The following KLC1 variants were observed in gnomAD, a reference collection of about 807,000 sequenced individuals.
KLC1 encodes the protein kinesin light chain 1.
Under a neutral mutation model 84.2 loss-of-function variants are expected in KLC1, and 30 were observed. That is an observed-to-expected ratio of 0.36 (90% CI 0.27 to 0.48). The LOEUF (loss-of-function observed/expected upper bound fraction) is 0.48, where lower values mean the gene tolerates loss of function less well. Among genes scored for constraint, KLC1 ranks in the 20% least tolerant of loss-of-function variants. The probability of loss-of-function intolerance (pLI) is 0.99; values close to 1 mark genes in which losing one functional copy is unlikely to be tolerated. For missense variants in KLC1, 499 were observed against 805.4 expected, an observed-to-expected ratio of 0.62 and a Z score of 4.60; for synonymous variants, 289 against 293.3, an observed-to-expected ratio of 0.99 and a Z score of 0.15.
chr14:103,670,288 A>C lies in KLC1; in HGVS notation c.987+5A>C. 6.2e-7 allele frequency: 1 copy of C among 1,604,002 alleles called. No homozygotes were observed. Among genetic ancestry groups the C allele is most frequent in the Non-Finnish European group, 8.5e-7 (1 of 1,172,318 alleles). On this transcript the variant is annotated splice_donor_5th_base_variant and intron_variant, in intron 7 of 16. Transcript: ENST00000334553. ...GCTCTGGAAATCCGAGAAAAGGTACAAAAGAAGGGGGCAGTCGTTTTCTTT... is the reference window on the plus strand; with the variant it reads ...GCTCTGGAAATCCGAGAAAAGGTACCAAAGAAGGGGGCAGTCGTTTTCTTT...
At chr14:103,681,630 T>C (rs1266240049) in intron 13 of KLC1, among the ~76,000 whole-genome samples, 5 of 152,170 alleles carry the variant, frequency 3.3e-5, no homozygotes, top group Non-Finnish European at 5.9e-5. Flanking sequence ...GGCTAATTTT[T>C]TTATTTTTAG....
chr14:103,657,823 C>T, intron 3 of KLC1, 47 bp downstream of exon 3: 2 of 1,389,482 alleles, frequency 1.4e-6, no homozygotes, highest in Non-Finnish European at 2.0e-6. Context: ...AAAATGGAGT[C>T]ACTGGGAAAG....
rs527572965 is a variant in KLC1 at position 103,658,797 on chromosome 14, A to G, written c.492+1021A>G. 4.7e-5 allele frequency among the ~76,000 whole-genome samples: 7 copies of G among 150,048 alleles called. No individual in the cohort carries two copies. In the East Asian group the frequency reaches 1.4e-3, roughly 30 times the overall value. On this transcript the variant is annotated intron_variant, in intron 3 of 16. Transcript: ENST00000334553. Reference sequence around the variant, plus strand: ...CTCAGCCTCCCGAGTAGCTGGGACTACAGGTGTGTGCCACCACGCCTGGCC... The same window carrying G: ...CTCAGCCTCCCGAGTAGCTGGGACTGCAGGTGTGTGCCACCACGCCTGGCC...
intron 12 of KLC1, among the ~76,000 whole-genome samples, chr14:103,679,096 AAC>A (rs2081152797): frequency 6.6e-6 from 1 of 152,146 alleles, no homozygotes; most frequent in Non-Finnish European, 1.5e-5. Flanking sequence ...AAACTTAGAA[AAC>A]CACATGACCC....
intron 15 of KLC1, chr14:103,695,690 C>G: frequency 6.1e-6 from 6 of 985,390 alleles, no homozygotes; most frequent in Non-Finnish European, 7.2e-6. Context: ...TGGGTGCAGA[C>G]GAGGTTGTGT....
At chr14:103,698,641 C>T in intron 15 of KLC1, 1 of 714,052 alleles carries the variant, frequency 1.4e-6, no homozygotes, top group Non-Finnish European at 2.4e-6. Context: ...AGTCTGTGGC[C>T]ACCATCTTCG....
In KLC1 at chr14:103,701,412, G is replaced by A. The variant is rs918755353; in HGVS notation, c.*213G>A. ...TGGGCCTAAGCTGGTGCCCTGGTGC[G>A]GCGTGGTCTCTCCCAGGAGACCTGG... is the stretch of plus-strand genomic sequence containing the variant. On this transcript the variant is annotated 3_prime_UTR_variant, in exon 17 of 17. Coordinates refer to ENST00000334553, the MANE Select transcript of KLC1 (RefSeq NM_001394837.1). 2.6e-5 allele frequency: 13 copies of A among 502,730 alleles called. No homozygotes were observed. The highest frequency in any genetic ancestry group is 2.5e-4 in the East Asian group (8 of 32,122). 31.1% of individuals were successfully genotyped at this position (502,730 alleles called of 1,614,324 possible). A position where few individuals can be genotyped will look rare whatever the true frequency, so the allele number is the denominator to read the frequency against.
intron 13 of KLC1, chr14:103,684,023 C>A (rs7494546): frequency 6.6e-6 from 1 of 151,882 alleles, no homozygotes; most frequent in Non-Finnish European, 1.5e-5. Context: ...GCGAAAAAAA[C>A]AAAAATCAGC....
At chr14:103,649,758 C>T (rs950995827) in intron 1 of KLC1, among the ~76,000 whole-genome samples, 5 of 151,256 alleles carry the variant, frequency 3.3e-5, no homozygotes, top group African/African-American at 1.2e-4. Context: ...TGCAGTGGCG[C>T]CATCTCGGCT....
chr14:103,685,787 C>T (rs1044149538), intron 13 of KLC1: 21 of 1,242,650 alleles, frequency 1.7e-5, no homozygotes, highest in Admixed American at 2.8e-5. Flanking sequence ...CCATTCCTTT[C>T]GGTGCTGCTG....
At chr14:103,661,187 C>G (rs1212080153) in intron 3 of KLC1, among the ~76,000 whole-genome samples, 1 of 152,126 alleles carries the variant, frequency 6.6e-6, no homozygotes, top group Non-Finnish European at 1.5e-5. Context: ...TGCACACAGA[C>G]CCAGTATGTC....
At chr14:103,676,236 G>A (rs1248991670) in intron 11 of KLC1, among the ~76,000 whole-genome samples, 1 of 152,112 alleles carries the variant, frequency 6.6e-6, no homozygotes, top group Non-Finnish European at 1.5e-5. Context: ...CTGTCCCTGG[G>A]TCCAGGTGGC....
At chr14:103,663,059 G>A (rs1567022756) in intron 5 of KLC1, 132 bp downstream of exon 5, 1 of 546,294 alleles carries the variant, frequency 1.8e-6, no homozygotes, top group Admixed American at 4.1e-5. Flanking sequence ...TTAAACAGGG[G>A]TTAAATTAAA....
chr14:103,635,171 G>A (rs962178140), intron 1 of KLC1, among the ~76,000 whole-genome samples: 1 of 152,200 alleles, frequency 6.6e-6, no homozygotes, highest in African/African-American at 2.4e-5. Flanking sequence ...CGTGAACTGA[G>A]TTACTTCCTT....
In KLC1 at chr14:103,692,401, C is replaced by T. The variant is rs1159014831; in HGVS notation, c.1824C>T (p.Gly608=). The part of the protein sequence containing the change: ...ASSLNVLNVG[G]KAAEDRFQGV... ...CTCTGAATGTCCTTAACGTGGGTGG[C>T]AAGGCTGCTGAAGATCGCTTTCAAG... Residue 608 remains glycine (G), a synonymous_variant, in exon 15 of 17, where the codon GGC becomes GGT. Transcript: ENST00000334553. The T allele has an allele frequency of 3.3e-6, 5 of 1,536,652 alleles. No individual in the cohort carries two copies. Among genetic ancestry groups the T allele is most frequent in the Non-Finnish European group, 2.6e-6 (3 of 1,147,004 alleles).
chr14:103,673,602 G>A (rs897791099), intron 9 of KLC1, among the ~76,000 whole-genome samples, 171 bp downstream of exon 9: 6 of 152,110 alleles, frequency 3.9e-5, no homozygotes, highest in East Asian at 1.9e-4. Flanking sequence ...CTTGTGCAGC[G>A]GGTCAAACAT....
intron 1 of KLC1, among the ~76,000 whole-genome samples, chr14:103,638,074 T>C (rs1015384916): frequency 3.3e-5 from 5 of 151,964 alleles, no homozygotes; most frequent in Admixed American, 1.3e-4. Flanking sequence ...TCTTTGCTGG[T>C]ATTGTTTGGG....
At chr14:103,656,109 T>C (rs1046748364) in intron 2 of KLC1, among the ~76,000 whole-genome samples, 1 of 152,124 alleles carries the variant, frequency 6.6e-6, no homozygotes, top group Non-Finnish European at 1.5e-5. Flanking sequence ...TGTTCTAGCA[T>C]AGGGGAAGGG....
chr14:103,652,178 C>G (rs2078503499), intron 1 of KLC1, among the ~76,000 whole-genome samples: 1 of 152,196 alleles, frequency 6.6e-6, no homozygotes, highest in Non-Finnish European at 1.5e-5. Context: ...TTTTCCTCCT[C>G]CTGAAGACCC....
Sources: gnomAD v4.1 joint callset for allele counts (sites outside exome capture counted in the v4.1 genomes callset) on GRCh38, gnomAD v4.1.1 for gene constraint, MANE v1.5 for transcripts, NCBI Gene and HGNC (gene_info 2026-07-23, HGNC 2026-07-21) for gene names.